The following TBC1D19 variants were observed in gnomAD, a reference collection of about 807,000 sequenced individuals.
The protein encoded by TBC1D19 is TBC1 domain family member 19, also known as TBC1 domain family, member 19.
In TBC1D19, 60 loss-of-function variants were observed where a neutral mutation model predicts 89.0. The ratio of observed to expected loss-of-function variants is 0.67; its 90% CI spans 0.55 to 0.84. The LOEUF is 0.84. TBC1D19 is among the 40% of genes least tolerant of loss of function. The probability of loss-of-function intolerance (pLI) is 0.00; values close to 1 mark genes in which losing one functional copy is unlikely to be tolerated. For synonymous variants in TBC1D19, 189 were observed against 199.7 expected (o/e 0.95, Z 0.45); for missense variants, 500 against 610.8 (o/e 0.82, Z 1.91).
intron 1 of TBC1D19, among the ~76,000 whole-genome samples, chr4:26,600,267 A>G (rs1740506974): frequency 6.6e-6 from 1 of 152,220 alleles, no homozygotes; most frequent in Admixed American, 6.5e-5. Flanking sequence ...GGTGTGAACC[A>G]TGGAGTGCTG....
At chr4:26,597,201 T>G (rs907356336) in intron 1 of TBC1D19, among the ~76,000 whole-genome samples, 1 of 152,234 alleles carries the variant, frequency 6.6e-6, no homozygotes, top group Non-Finnish European at 1.5e-5. Flanking sequence ...AGTCTATTTC[T>G]CTTTTTAATT....
intron 4 of TBC1D19, among the ~76,000 whole-genome samples, chr4:26,635,409 C>T (rs1274403503): frequency 6.6e-6 from 1 of 152,068 alleles, no homozygotes; most frequent in African/African-American, 2.4e-5. Flanking sequence ...CCAAATAAGT[C>T]TGGGATCTAA....
chr4:26,842,206 T>C, the TBC1D19 span, among the ~76,000 whole-genome samples: 2 of 152,178 alleles, frequency 1.3e-5, no homozygotes, highest in Admixed American at 6.5e-5. Flanking sequence ...GGATTCTGCA[T>C]CTCCTCTCCA....
intron 1 of TBC1D19, among the ~76,000 whole-genome samples, chr4:26,599,721 G>A (rs563518559): frequency 5.9e-5 from 9 of 152,088 alleles, no homozygotes; most frequent in East Asian, 1.9e-4. Context: ...CAAGGCGGGC[G>A]GGTTGCCTGA....
chr4:26,713,129 T>G (rs1443685564), intron 13 of TBC1D19, among the ~76,000 whole-genome samples: 1 of 127,622 alleles, frequency 7.8e-6, no homozygotes, highest in Non-Finnish European at 1.9e-5. Flanking sequence ...TTTATTATAT[T>G]AATAGGTCAA....
intron 18 of TBC1D19, among the ~76,000 whole-genome samples, chr4:26,746,656 C>A (rs998732314): frequency 4.6e-5 from 7 of 152,222 alleles, no homozygotes; most frequent in Non-Finnish European, 8.8e-5. Flanking sequence ...CCAGTGGGTG[C>A]CTGAAACTGT....
At chr4:26,626,517 C>T (rs941409066) in intron 4 of TBC1D19, among the ~76,000 whole-genome samples, 1 of 152,124 alleles carries the variant, frequency 6.6e-6, no homozygotes, top group African/African-American at 2.4e-5. Flanking sequence ...TCTTAGTTCT[C>T]ACTTTACAAA....
chr4:26,725,100 C>T (rs949825719), intron 15 of TBC1D19, among the ~76,000 whole-genome samples: 4 of 152,128 alleles, frequency 2.6e-5, no homozygotes, highest in Admixed American at 6.5e-5. Flanking sequence ...GATACAAGAT[C>T]CCCCTGGTAC....
At chr4:26,795,217 G>A in the TBC1D19 span, among the ~76,000 whole-genome samples, 14 of 151,980 alleles carry the variant, frequency 9.2e-5, no homozygotes, top group East Asian at 3.9e-4. Context: ...AGATTTCCTC[G>A]TCCTGGAATG....
At chr4:26,824,561 T>G in the TBC1D19 span, among the ~76,000 whole-genome samples, 1 of 152,262 alleles carries the variant, frequency 6.6e-6, no homozygotes, top group Non-Finnish European at 1.5e-5. Context: ...GTGTATGTCC[T>G]CTGGGTCTTT....
intron 19 of TBC1D19, 24 bp downstream of exon 19, chr4:26,748,550 G>A (rs773126636): frequency 1.3e-6 from 2 of 1,519,694 alleles, no homozygotes; most frequent in Admixed American, 3.4e-5. Flanking sequence ...CTTGTTTGTA[G>A]AACACATGCT....
At chr4:26,579,098 T>C (rs1739023300), upstream of TBC1D19, among the ~76,000 whole-genome samples, 1 of 152,220 alleles carries the variant, frequency 6.6e-6, no homozygotes, top group Non-Finnish European at 1.5e-5. Flanking sequence ...AGTACTATAA[T>C]TTAGATTCTC....
chr4:26,626,434 A>T (rs1042987608), intron 4 of TBC1D19, among the ~76,000 whole-genome samples: 1 of 152,124 alleles, frequency 6.6e-6, no homozygotes, highest in African/African-American at 2.4e-5. Context: ...ATCCTAGGTA[A>T]TATTCTAGTG....
chr4:26,850,642 C>T, the TBC1D19 span, among the ~76,000 whole-genome samples: 1 of 150,304 alleles, frequency 6.7e-6, no homozygotes, highest in African/African-American at 2.5e-5. Context: ...TGTTCATCTA[C>T]AAGCCCAGGA....
In TBC1D19 at chr4:26,717,721, T is replaced by C. The variant is rs535594894; in HGVS notation, c.955-212T>C. On this transcript the variant is annotated intron_variant, in intron 13 of 20. Transcript: ENST00000264866. ...TTAGTTAGCAGTTTGCATTTTCTGC[T>C]CTTCAAAGTTGAGGTAGCAAATGGT... Among the ~76,000 whole-genome samples, 6 of 152,186 alleles carry C rather than the reference T, an allele frequency of 3.9e-5. No homozygotes were observed. In the South Asian group the frequency reaches 1.2e-3, roughly 32 times the overall value.
the TBC1D19 span, among the ~76,000 whole-genome samples, chr4:26,808,395 C>T: frequency 0.08 from 12,194 of 152,158 alleles, 1,451 homozygotes; most frequent in African/African-American, 0.26. Context: ...CACTTTAGGT[C>T]ACCTCTAAGA....
chr4:26,604,148 C>CT (rs1173641270), intron 1 of TBC1D19, among the ~76,000 whole-genome samples: 2,525 of 120,680 alleles, frequency 0.021, 117 homozygotes, highest in African/African-American at 0.066. Context: ...TTTTCTTTTT[C>CT]TTTTTTTTTT....
At chr4:26,633,589 A>G (rs1031484610) in intron 4 of TBC1D19, among the ~76,000 whole-genome samples, 1 of 152,136 alleles carries the variant, frequency 6.6e-6, no homozygotes, top group African/African-American at 2.4e-5. Context: ...AGCTTTACAG[A>G]TAACGGCAGT....
chr4:26,695,528 G>T (rs1176354441), intron 13 of TBC1D19, among the ~76,000 whole-genome samples: 1 of 152,074 alleles, frequency 6.6e-6, no homozygotes, highest in East Asian at 1.9e-4. Context: ...GATACACCTC[G>T]AGAAGAGCAA....
Sources: gnomAD v4.1 joint callset for allele counts (sites outside exome capture counted in the v4.1 genomes callset) on GRCh38, gnomAD v4.1.1 for gene constraint, MANE v1.5 for transcripts, NCBI Gene and HGNC (gene_info 2026-07-23, HGNC 2026-07-21) for gene names.